The following MCF2L2 variants were observed in gnomAD, a reference collection of about 807,000 sequenced individuals.
The protein encoded by MCF2L2 is probable guanine nucleotide exchange factor MCF2L2.
Under a neutral mutation model 150.2 loss-of-function variants are expected in MCF2L2, and 102 were observed. That is an observed-to-expected ratio of 0.68 (90% CI 0.58 to 0.80). MCF2L2 has a LOEUF of 0.80. Among genes scored for constraint, MCF2L2 ranks in the 30% least tolerant of loss-of-function variants. The probability of loss-of-function intolerance (pLI) is 0.00; values close to 1 mark genes in which losing one functional copy is unlikely to be tolerated. For missense variants in MCF2L2, 1,256 were observed against 1,372.8 expected (o/e 0.91, Z 1.34); for synonymous variants, 465 against 491.3 (o/e 0.95, Z 0.71).
intron 15 of MCF2L2, among the ~76,000 whole-genome samples, chr3:183,257,958 CTTTTTTTTTTT>C (rs35323502): frequency 7.9e-4 from 51 of 64,744 alleles, no homozygotes; most frequent in African/African-American, 3.4e-3. Flanking sequence ...CCACTTCACC[CTTTTTTTTTTT>C]TTTTTTTTTT....
intron 15 of MCF2L2, among the ~76,000 whole-genome samples, chr3:183,269,229 G>GTTTTTTTTTTTTTTTTTTTT (rs1305607255): frequency 1.3e-5 from 1 of 77,022 alleles, no homozygotes; most frequent in Admixed American, 1.2e-4. Context: ...CGTTTGGGAA[G>GTTTTTTTTTTTTTTTTTTTT]CTTTTTTTTT....
At chr3:183,250,479 C>T (rs950469713) in intron 15 of MCF2L2, among the ~76,000 whole-genome samples, 9 of 151,380 alleles carry the variant, frequency 5.9e-5, no homozygotes, top group African/African-American at 1.7e-4. Context: ...CCCAGCTACT[C>T]GGGAGGCTGA....
intron 3 of MCF2L2, among the ~76,000 whole-genome samples, chr3:183,357,043 T>A (rs886327969): frequency 2.0e-5 from 3 of 152,182 alleles, no homozygotes; most frequent in African/African-American, 7.2e-5. Flanking sequence ...TGATCTGAGA[T>A]AACTGATTAG....
chr3:183,229,697 T>A lies in MCF2L2; in HGVS notation c.2014A>T (p.Asn672Tyr). 1.3e-6 allele frequency: 2 copies of A among 1,587,864 alleles called. No individual in the cohort carries two copies. The highest frequency in any genetic ancestry group is 1.7e-6 in the Non-Finnish European group (2 of 1,159,042). ...TGAAATTCGTAAAGTTCTCTAATAT[T>A]CCCAAAGAGAAAGTCCTTGTTATTC... ...LQNNKDFLFGNIRELYEFHNR... is the reference protein window; with the variant it reads ...LQNNKDFLFGYIRELYEFHNR... The change falls in exon 17 of 30, where the codon AAT becomes TAT. Residue 672 changes from asparagine to tyrosine, a missense_variant. Coordinates refer to ENST00000328913, the MANE Select transcript of MCF2L2 (RefSeq NM_015078.4).
intron 15 of MCF2L2, among the ~76,000 whole-genome samples, chr3:183,253,045 C>G (rs1211250071): frequency 6.6e-6 from 1 of 152,222 alleles, no homozygotes; most frequent in East Asian, 1.9e-4. Flanking sequence ...AGTAAGTGAT[C>G]GCAATTAACT....
intron 3 of MCF2L2, among the ~76,000 whole-genome samples, chr3:183,368,861 C>T (rs1364284475): frequency 1.3e-5 from 2 of 152,178 alleles, no homozygotes; most frequent in African/African-American, 2.4e-5. Context: ...ACTGAATGTA[C>T]ATCATTACTA....
At chr3:183,210,664 G>A (rs1722660997) in intron 22 of MCF2L2, among the ~76,000 whole-genome samples, 2 of 152,182 alleles carry the variant, frequency 1.3e-5, no homozygotes, top group Admixed American at 6.5e-5. Context: ...GGAATAAGTC[G>A]AGGTGTACAC....
At chr3:183,268,327 T>C (rs951217546) in intron 15 of MCF2L2, among the ~76,000 whole-genome samples, 29 of 152,132 alleles carry the variant, frequency 1.9e-4, no homozygotes, top group African/African-American at 7.0e-4. Flanking sequence ...TTAAAAGAGC[T>C]CAGTTTGTCT....
intron 15 of MCF2L2, chr3:183,269,808 T>C: frequency 6.2e-7 from 1 of 1,604,206 alleles, no homozygotes; most frequent in South Asian, 1.1e-5. Context: ...TATGAGAATG[T>C]TGGTTAGTGG....
intron 5 of MCF2L2, among the ~76,000 whole-genome samples, chr3:183,324,227 T>C (rs1282604433): frequency 6.6e-6 from 1 of 152,192 alleles, no homozygotes; most frequent in Non-Finnish European, 1.5e-5. Context: ...CATTGGGTTT[T>C]ATAAGCTAGC....
At chr3:183,244,205 TA>T (rs59554875) in intron 15 of MCF2L2, among the ~76,000 whole-genome samples, 45,351 of 146,792 alleles carry the variant, frequency 0.31, 7,080 homozygotes, top group African/African-American at 0.39. Context: ...AAAATCTGAT[TA>T]AAAAAAAAAA....
chr3:183,215,199 G>A (rs945336352), intron 22 of MCF2L2, among the ~76,000 whole-genome samples: 2 of 152,030 alleles, frequency 1.3e-5, no homozygotes, highest in African/African-American at 4.8e-5. Flanking sequence ...TCTGACCTTG[G>A]AACTTCAAAA....
chr3:183,350,184 C>G (rs57308927), intron 3 of MCF2L2, among the ~76,000 whole-genome samples: 5,191 of 152,254 alleles, frequency 0.034, 304 homozygotes, highest in African/African-American at 0.12. Context: ...GCTGTGTCTC[C>G]TGACATAATT....
chr3:183,277,844 A>AAT (rs1389038823), intron 14 of MCF2L2, among the ~76,000 whole-genome samples: 2 of 151,594 alleles, frequency 1.3e-5, no homozygotes, highest in East Asian at 3.9e-4. Context: ...AGTTCCCTCT[A>AAT]ATATATATAT....
intron 9 of MCF2L2, chr3:183,310,610 C>T: frequency 3.0e-6 from 1 of 330,798 alleles, no homozygotes; most frequent in South Asian, 2.6e-5. Flanking sequence ...CTGCAGTGAG[C>T]CATGATCACA....
intron 3 of MCF2L2, among the ~76,000 whole-genome samples, chr3:183,351,984 A>G (rs1335838966): frequency 6.6e-6 from 1 of 152,172 alleles, no homozygotes; most frequent in East Asian, 1.9e-4. Flanking sequence ...TGCTTCTACA[A>G]ATTCAGTTGA....
chr3:183,335,729 A>G (rs916980025), intron 5 of MCF2L2, among the ~76,000 whole-genome samples: 5 of 152,052 alleles, frequency 3.3e-5, no homozygotes, highest in African/African-American at 9.7e-5. Flanking sequence ...TCAGCCAGGC[A>G]TGGTGGTGTG....
At position 183,215,949 on chromosome 3, in the gene MCF2L2, A is replaced by C. The variant is rs368486075; in HGVS notation, c.2496+20T>G. The C allele has an allele frequency of 2.6e-4, 412 of 1,609,552 alleles. No homozygotes were observed. The highest frequency in any genetic ancestry group is 3.3e-4 in the Non-Finnish European group (387 of 1,177,810). On this transcript the variant is annotated intron_variant, in intron 22 of 29. Transcript: ENST00000328913. Reference sequence around the variant, plus strand: ...ACCTGCCTTTTGTGTGAGATGCTCTAACACTACTATGGAACATACCGGACA... The same window carrying C: ...ACCTGCCTTTTGTGTGAGATGCTCTCACACTACTATGGAACATACCGGACA...
At chr3:183,353,810 C>T (rs1396541) in intron 3 of MCF2L2, among the ~76,000 whole-genome samples, 71 of 152,302 alleles carry the variant, frequency 4.7e-4, no homozygotes, top group African/African-American at 1.6e-3. Context: ...TCCAAGCCAA[C>T]GTAATTCTCT....
Sources: gnomAD v4.1 joint callset for allele counts (sites outside exome capture counted in the v4.1 genomes callset) on GRCh38, gnomAD v4.1.1 for gene constraint, MANE v1.5 for transcripts, NCBI Gene and HGNC (gene_info 2026-07-23, HGNC 2026-07-21) for gene names.